CCDC62: variants seen among roughly 807,000 people sequenced by gnomAD.
CCDC62 encodes the protein coiled-coil domain containing 62.
A neutral mutation model predicts 80.8 loss-of-function variants in CCDC62; 72 were observed. The ratio of observed to expected loss-of-function variants is 0.89; its 90% confidence interval spans 0.74 to 1.08. CCDC62 has a LOEUF of 1.08. Ranked by LOEUF, CCDC62 falls within the 50% of genes least tolerant of loss-of-function variation. The probability of loss-of-function intolerance (pLI) is 0.00; values close to 1 mark genes in which losing one functional copy is unlikely to be tolerated. For synonymous variants in CCDC62, 286 were observed against 296.5 expected, an observed-to-expected ratio of 0.96 and a Z score of 0.36; for missense variants, 704 against 809.4, an observed-to-expected ratio of 0.87 and a Z score of 1.58.
rs547125810 is a variant in CCDC62, at chr12:122,809,124, T to C, written c.1851+2829T>C. Among the ~76,000 whole-genome samples the C allele has an allele frequency of 2.0e-5, 3 of 152,382 alleles. No homozygotes were observed. The South Asian group carries it at 6.2e-4, about 32-fold the overall frequency. On this transcript the variant is annotated intron_variant, in intron 10 of 12. Transcript: ENST00000253079. ...CCAAAGAGACGCTATTCTTTATGTC[T>C]GTGTAGAATATCCCTTCTTTAATTA... is the stretch of plus-strand genomic sequence containing the variant.
chr12:122,804,303 A>G lies in CCDC62; in HGVS notation c.1707-1848A>G, dbSNP rs548337697. 7.9e-5 allele frequency among the ~76,000 whole-genome samples: 12 copies of G among 152,312 alleles called. No individual in the cohort carries two copies. In the South Asian group the frequency reaches 2.3e-3, roughly 29 times the overall value. On this transcript the variant is annotated intron_variant, in intron 9 of 12. Coordinates refer to ENST00000253079, the MANE Select transcript of CCDC62 (RefSeq NM_201435.5). ...GGAGGTCGAGACCGACCTGGCCAACATGGTGAAACCCTATCTCTACTAAAA... is the reference window on the plus strand; with the variant it reads ...GGAGGTCGAGACCGACCTGGCCAACGTGGTGAAACCCTATCTCTACTAAAA...
chr12:122,798,230 T>A (rs373150596), intron 8 of CCDC62, 30 bp downstream of exon 8: 2 of 1,039,306 alleles, frequency 1.9e-6, no homozygotes, highest in African/African-American at 1.6e-5. Flanking sequence ...ATTAATATGA[T>A]CTTGTATTAT....
intron 10 of CCDC62, among the ~76,000 whole-genome samples, chr12:122,807,925 G>A (rs1184460302): frequency 6.6e-6 from 1 of 152,110 alleles, no homozygotes; most frequent in Non-Finnish European, 1.5e-5. Flanking sequence ...ATGTGACTGT[G>A]TATATAAATA....
In CCDC62 at chr12:122,801,359, G is replaced by A; in HGVS notation, c.1213G>A (p.Glu405Lys). The part of the protein sequence containing the change: ...LSSIFTKDLV[E>K]KHNLPWSLGG... The stretch of plus-strand genomic sequence containing the variant: ...ATCCATATTCACCAAAGACTTAGTA[G>A]AGAAACACAACCTCCCTTGGTCTCT... Residue 405 changes from glutamate to lysine, a missense_variant, in exon 9 of 13, where the codon GAG becomes AAG. By Grantham distance (56) the Glu-to-Lys change is moderately conservative. Coordinates refer to ENST00000253079, the MANE Select transcript of CCDC62 (RefSeq NM_201435.5). 6.2e-7 allele frequency: 1 copy of A among 1,614,192 alleles called. No individual in the cohort carries two copies. Among genetic ancestry groups the A allele is most frequent in the South Asian group, 1.1e-5 (1 of 91,078 alleles).
intron 2 of CCDC62, among the ~76,000 whole-genome samples, chr12:122,780,709 A>C (rs1860929325): frequency 1.3e-5 from 2 of 152,192 alleles, no homozygotes; most frequent in Non-Finnish European, 2.9e-5. Flanking sequence ...ATTCAGTGGA[A>C]TATTACCTAG....
intron 6 of CCDC62, among the ~76,000 whole-genome samples, chr12:122,794,098 T>G (rs2030794923): frequency 6.6e-6 from 1 of 152,196 alleles, no homozygotes; most frequent in South Asian, 2.1e-4. Flanking sequence ...GTTAGTCTCT[T>G]TTCTTTTTGA....
chr12:122,800,479 T>G (rs1009091110), intron 8 of CCDC62, among the ~76,000 whole-genome samples: 2 of 148,978 alleles, frequency 1.3e-5, no homozygotes, highest in East Asian at 4.1e-4. Flanking sequence ...CAGACTGGAG[T>G]GCCAATGGCG....
chr12:122,808,943 A>G lies in CCDC62; in HGVS notation c.1851+2648A>G, dbSNP rs150468249. Among the ~76,000 whole-genome samples, 53 of 152,310 alleles carry G rather than the reference A, an allele frequency of 3.5e-4. 1 individual carries two copies. The East Asian group carries it at 0.01, about 29-fold the overall frequency. ...TTGCAATGGTCAATTTTTAAATTCC[A>G]GACATTCTAATAGGTATGAAGAGGT... On this transcript the variant is annotated intron_variant, in intron 10 of 12. Transcript: ENST00000253079.
chr12:122,811,205 G>GT (rs2031859153), intron 10 of CCDC62, among the ~76,000 whole-genome samples: 1 of 119,646 alleles, frequency 8.4e-6, no homozygotes. Flanking sequence ...AAGAAATTAA[G>GT]TTTCCTTTTT....
At chr12:122,798,004 G>A in intron 7 of CCDC62, 81 bp from the exon 8 acceptor site, 4 of 698,834 alleles carry the variant, frequency 5.7e-6, no homozygotes, top group South Asian at 1.7e-5. Context: ...TTTGTGAACT[G>A]TTTCAGGGAA....
At chr12:122,826,145 G>A (rs1319820039) in intron 12 of CCDC62, among the ~76,000 whole-genome samples, 6 of 151,994 alleles carry the variant, frequency 3.9e-5, no homozygotes, top group Admixed American at 6.6e-5. Flanking sequence ...AAGCTAAAGC[G>A]TACAGGCATT....
At chr12:122,822,060 AACACACACAC>A (rs58108370) in intron 11 of CCDC62, among the ~76,000 whole-genome samples, 1 of 115,764 alleles carries the variant, frequency 8.6e-6, no homozygotes, top group African/African-American at 3.2e-5. Flanking sequence ...TATAAATTTA[AACACACACAC>A]ACACACACAC....
At chr12:122,824,985 C>A (rs1405150399) in intron 12 of CCDC62, among the ~76,000 whole-genome samples, 2 of 151,402 alleles carry the variant, frequency 1.3e-5, no homozygotes, top group Non-Finnish European at 2.9e-5. Context: ...ACTCAGGAGG[C>A]TGAGGCAAGA....
chr12:122,816,642 A>C (rs886775120), intron 11 of CCDC62, among the ~76,000 whole-genome samples: 1 of 152,138 alleles, frequency 6.6e-6, no homozygotes, highest in African/African-American at 2.4e-5. Context: ...CTGAGGTAGG[A>C]GGATCACTTG....
At chr12:122,804,231 T>C (rs983212366) in intron 9 of CCDC62, among the ~76,000 whole-genome samples, 4 of 152,124 alleles carry the variant, frequency 2.6e-5, no homozygotes, top group African/African-American at 9.7e-5. Flanking sequence ...TCTGGTCTGT[T>C]CCAGAACAGC....
Position 122,800,984 on chromosome 12 carries a change from G to A in CCDC62, c.978-140G>A, listed in dbSNP as rs369921186. On this transcript the variant is annotated intron_variant, in intron 8 of 12. Transcript: ENST00000253079. The stretch of plus-strand genomic sequence containing the variant: ...TGGTCAGAAAGGATTCCTGGAGAAG[G>A]TCGGGCTGGAATTGGGCTCTGAGGT... The A allele has an allele frequency of 2.1e-4, 170 of 797,400 alleles. 3 individuals carry two copies. In the South Asian group the frequency reaches 2.8e-3, roughly 13 times the overall value. The allele number at this position is 797,400 out of a possible 1,614,324, so 49.4% of individuals were successfully genotyped here. A position where few individuals can be genotyped will look rare whatever the true frequency, so the allele number is the denominator to read the frequency against.
chr12:122,823,458 G>A lies in CCDC62; in HGVS notation c.*39G>A, dbSNP rs762562853. On this transcript the variant is annotated splice_region_variant and 3_prime_UTR_variant, in exon 12 of 13. Transcript: ENST00000253079. The stretch of plus-strand genomic sequence containing the variant: ...CAACTTCAGTATTCATCGTGATCAC[G>A]AGTAAGTCACCTTTGCTTATCTCAC... 64 of 1,436,858 alleles carry A rather than the reference G, an allele frequency of 4.5e-5. No individual in the cohort carries two copies. Among genetic ancestry groups the A allele is most frequent in the Non-Finnish European group, 5.4e-5 (55 of 1,020,148 alleles). 89.0% of individuals were successfully genotyped at this position (1,436,858 alleles called of 1,614,324 possible). A position where few individuals can be genotyped will look rare whatever the true frequency, so the allele number is the denominator to read the frequency against.
At chr12:122,823,858 C>T (rs1345047583) in intron 12 of CCDC62, among the ~76,000 whole-genome samples, 1 of 151,834 alleles carries the variant, frequency 6.6e-6, no homozygotes, top group Admixed American at 6.6e-5. Context: ...CGGTAGTGGG[C>T]GCCTGTAATC....
chr12:122,820,773 G>A (rs549612688), intron 11 of CCDC62, among the ~76,000 whole-genome samples: 24 of 151,572 alleles, frequency 1.6e-4, no homozygotes, highest in Non-Finnish European at 3.5e-4. Flanking sequence ...CCCAGGTGGC[G>A]GAGGTTGCAG....
Sources: gnomAD v4.1 joint callset for allele counts (sites outside exome capture counted in the v4.1 genomes callset) on GRCh38, gnomAD v4.1.1 for gene constraint, MANE v1.5 for transcripts, NCBI Gene and HGNC (gene_info 2026-07-23, HGNC 2026-07-21) for gene names.